ADARB2: variants seen among roughly 807,000 people sequenced by gnomAD.
ADARB2 encodes the protein adenosine deaminase RNA specific B2 (inactive).
In ADARB2, 25 loss-of-function variants were observed where a neutral mutation model predicts 62.2. The ratio of observed to expected loss-of-function variants is 0.40; its 90% confidence interval spans 0.29 to 0.56. The LOEUF is 0.56. ADARB2 is among the 20% of genes least tolerant of loss of function. ADARB2 has a pLI of 0.43. For missense variants in ADARB2, 1,071 were observed against 1,077.4 expected (o/e 0.99, Z 0.08); for synonymous variants, 572 against 500.8 (o/e 1.14, Z -1.90).
rs1478323087 is a variant in ADARB2 at position 1,426,743 on chromosome 10, C to A, written c.101-47583G>T. ...GGCTGGCCCAGGAGAGGCGGCAAGG[C>A]TGTGTGCAGACACTTTGCCCCTGGT... On this transcript the variant is annotated intron_variant, in intron 1 of 9. Coordinates refer to ENST00000381312, the MANE Select transcript of ADARB2 (RefSeq NM_018702.4). The surrounding 1 kb of genome is among the most constrained non-coding windows in gnomAD (Gnocchi z 4.1). 6.6e-6 allele frequency among the ~76,000 whole-genome samples: 1 copy of A among 152,232 alleles called. No homozygotes were observed. Among genetic ancestry groups the A allele is most frequent in the Non-Finnish European group, 1.5e-5 (1 of 68,050 alleles).
At chr10:1,465,887 G>A (rs1259358435) in intron 1 of ADARB2, among the ~76,000 whole-genome samples, 2 of 152,370 alleles carry the variant, frequency 1.3e-5, no homozygotes, top group Middle Eastern at 3.4e-3. Flanking sequence ...GTCTTTCAGA[G>A]TGTACTTTTG....
chr10:1,650,738 G>A (rs1378587496), intron 1 of ADARB2, among the ~76,000 whole-genome samples: 1 of 152,186 alleles, frequency 6.6e-6, no homozygotes, highest in Non-Finnish European at 1.5e-5. Flanking sequence ...CCCGGATAGG[G>A]GAGTAAGAAG....
chr10:1,712,680 T>C (rs58587189), intron 1 of ADARB2, among the ~76,000 whole-genome samples: 135,535 of 135,536 alleles, frequency 1, 67,767 homozygotes, highest in Non-Finnish European at 1. Flanking sequence ...GGGATCTCGG[T>C]TCACTGCAAG....
intron 8 of ADARB2, among the ~76,000 whole-genome samples, chr10:1,192,036 G>C (rs960510949): frequency 1.3e-5 from 2 of 152,220 alleles, no homozygotes; most frequent in Admixed American, 6.5e-5. Context: ...GAGTTTTACT[G>C]TGGCTCGCGG....
chr10:1,242,474 G>A (rs1319025182), intron 4 of ADARB2, among the ~76,000 whole-genome samples, 175 bp from the exon 5 acceptor site: 9 of 152,244 alleles, frequency 5.9e-5, no homozygotes, highest in African/African-American at 2.2e-4. Flanking sequence ...ACGGGTGACC[G>A]CCCGCCTGAG....
rs541492747 is a variant in ADARB2 at position 1,276,709 on chromosome 10, T to G, written c.1078-5640A>C. On this transcript the variant is annotated intron_variant, in intron 3 of 9. Transcript: ENST00000381312. ...TTAGACAGATCAACGAGACATAAAG[T>G]TAACAAGGATATCCAGGAATTGAAC... Among the ~76,000 whole-genome samples the G allele has an allele frequency of 2.6e-5, 4 of 151,948 alleles. No individual in the cohort carries two copies. The South Asian group carries it at 8.4e-4, about 32-fold the overall frequency.
Position 1,312,688 on chromosome 10 carries a change from G to A in ADARB2, c.1078-41619C>T, listed in dbSNP as rs577928371. The stretch of plus-strand genomic sequence containing the variant: ...GGGGAGGAAAAAGACGCAGGGAGGT[G>A]AGGCACCTGCCCAACCCGCATGGGC... On this transcript the variant is annotated intron_variant, in intron 3 of 9. Transcript: ENST00000381312. 5.9e-5 allele frequency among the ~76,000 whole-genome samples: 9 copies of A among 152,336 alleles called. 1 individual carries two copies. In the South Asian group the frequency reaches 1.9e-3, roughly 32 times the overall value.
At chr10:1,536,651 T>C (rs1474758332) in intron 1 of ADARB2, among the ~76,000 whole-genome samples, 1 of 152,236 alleles carries the variant, frequency 6.6e-6, no homozygotes, top group African/African-American at 2.4e-5. Context: ...ACTCTGGCTC[T>C]AGACAGGCAA....
Position 1,216,946 on chromosome 10 carries a change from C to T in ADARB2, c.1682+5G>A. On this transcript the variant is annotated splice_donor_5th_base_variant and intron_variant, in intron 7 of 9. Coordinates refer to ENST00000381312, the MANE Select transcript of ADARB2 (RefSeq NM_018702.4). The stretch of plus-strand genomic sequence containing the variant: ...ACATCCTCGAGAGGAAGCCGTGGGC[C>T]TCACCTGGCGATCTTGTCCGTGCAG... 3 of 1,605,094 alleles carry T rather than the reference C, an allele frequency of 1.9e-6. No homozygotes were observed. Among genetic ancestry groups the T allele is most frequent in the Non-Finnish European group, 2.5e-6 (3 of 1,179,226 alleles).
At chr10:1,424,176 G>A (rs1832876134) in intron 1 of ADARB2, among the ~76,000 whole-genome samples, 1 of 152,262 alleles carries the variant, frequency 6.6e-6, no homozygotes, top group Admixed American at 6.5e-5. Context: ...GGTCCACTAT[G>A]TATGCAGTAG....
At chr10:1,567,851 C>T (rs866066026) in intron 1 of ADARB2, among the ~76,000 whole-genome samples, 8 of 152,182 alleles carry the variant, frequency 5.3e-5, no homozygotes, top group African/African-American at 1.4e-4. Flanking sequence ...GTGCCTCACT[C>T]GAGGCCAAGG....
At chr10:1,617,654 G>A (rs1833659201) in intron 1 of ADARB2, among the ~76,000 whole-genome samples, 2 of 149,494 alleles carry the variant, frequency 1.3e-5, no homozygotes, top group Non-Finnish European at 3.0e-5. Context: ...GTTGCTAGAT[G>A]TTTGTGTGCC....
intron 7 of ADARB2, among the ~76,000 whole-genome samples, chr10:1,208,010 C>T (rs572434500): frequency 3.9e-5 from 6 of 152,292 alleles, no homozygotes; most frequent in Non-Finnish European, 5.9e-5. Flanking sequence ...CTGCGGTGTC[C>T]GACCCTCTTC....
At chr10:1,545,765 C>G (rs772449310) in intron 1 of ADARB2, among the ~76,000 whole-genome samples, 1 of 152,188 alleles carries the variant, frequency 6.6e-6, no homozygotes, top group Non-Finnish European at 1.5e-5. Context: ...GAGGCAGAAG[C>G]GCAGTGAGGG....
rs538222356 is a variant in ADARB2 at position 1,605,307 on chromosome 10, A to G, written c.100+131744T>C. On this transcript the variant is annotated intron_variant, in intron 1 of 9. Coordinates refer to ENST00000381312, the MANE Select transcript of ADARB2 (RefSeq NM_018702.4). ...TGAGGGTTTGCTGGTCACTGATGCA[A>G]TCAGGTTCTTGTGATTCCACGCAGC... Among the ~76,000 whole-genome samples the G allele has an allele frequency of 1.2e-3, 176 of 152,308 alleles. 1 individual carries two copies. The highest frequency in any genetic ancestry group is 4.1e-3 in the African/African-American group (170 of 41,572).
At chr10:1,457,878 A>C (rs10903456) in intron 1 of ADARB2, among the ~76,000 whole-genome samples, 1 of 34,662 alleles carries the variant, frequency 2.9e-5, no homozygotes, top group Non-Finnish European at 8.8e-5. Flanking sequence ...TCATCCCTCC[A>C]CCCAACCCGA....
intron 7 of ADARB2, among the ~76,000 whole-genome samples, chr10:1,213,215 G>C (rs1837181715): frequency 6.6e-6 from 1 of 151,956 alleles, no homozygotes; most frequent in African/African-American, 2.4e-5. Flanking sequence ...ACAGAGATGG[G>C]CACACAGAGA....
At chr10:1,630,013 A>G (rs1408821740) in intron 1 of ADARB2, among the ~76,000 whole-genome samples, 3 of 152,150 alleles carry the variant, frequency 2.0e-5, no homozygotes, top group Non-Finnish European at 4.4e-5. Flanking sequence ...GCAGTCACCC[A>G]GCCACACCCA....
intron 8 of ADARB2, 197 bp downstream of exon 8, chr10:1,199,769 T>C: frequency 1.8e-6 from 1 of 550,358 alleles, no homozygotes; most frequent in Non-Finnish European, 3.1e-6. Flanking sequence ...CATCAGGACC[T>C]GGCCTATTGC....
Sources: gnomAD v4.1 joint callset for allele counts (sites outside exome capture counted in the v4.1 genomes callset) on GRCh38, gnomAD v4.1.1 for gene constraint, Gnocchi (gnomAD v3.1) non-coding constraint, MANE v1.5 for transcripts, NCBI Gene and HGNC (gene_info 2026-07-23, HGNC 2026-07-21) for gene names.